WIPF1: variants seen among roughly 807,000 people sequenced by gnomAD.
The protein encoded by WIPF1 is WAS/WASL interacting protein family member 1.
WIPF1 carries 13 observed loss-of-function variants against 35.4 expected under a neutral mutation model. The ratio of observed to expected loss-of-function variants is 0.37; its 90% confidence interval spans 0.24 to 0.58. The LOEUF (loss-of-function observed/expected upper bound fraction) is 0.58, where lower values mean the gene tolerates loss of function less well. Ranked by LOEUF, WIPF1 falls within the 20% of genes least tolerant of loss-of-function variation. The probability of loss-of-function intolerance (pLI) is 0.74; values close to 1 mark genes in which losing one functional copy is unlikely to be tolerated. For synonymous variants in WIPF1, 267 were observed against 266.3 expected (o/e 1.00, Z -0.02); for missense variants, 591 against 667.0 (o/e 0.89, Z 1.25).
rs776631046 is a variant in WIPF1, at chr2:174,572,210, G to A, written c.595C>T (p.His199Tyr). ...STPRPIQSSP[H>Y]NRGSPPVPGG... is the part of the protein sequence containing the mutation. ...GGCACTGGTGGGGACCCCCGGTTGT[G>A]CGGACTTGATTGAATGGGTCTTGGA... The change falls in exon 5 of 8, where the codon CAC (histidine) becomes TAC (tyrosine). Residue 199 changes from histidine (H) to tyrosine (Y), a missense_variant. Transcript: ENST00000679041. 8 of 1,614,202 alleles carry A rather than the reference G, an allele frequency of 5.0e-6. No homozygotes were observed. The South Asian group carries it at 8.8e-5, about 18-fold the overall frequency.
At chr2:174,679,186 C>G (rs538833936) in intron 1 of WIPF1, among the ~76,000 whole-genome samples, 1 of 152,120 alleles carries the variant, frequency 6.6e-6, no homozygotes, top group South Asian at 2.1e-4. Flanking sequence ...ATTGAAGATA[C>G]AGGGCTGGGT....
chr2:174,628,696 G>A (rs1425829694), intron 1 of WIPF1, among the ~76,000 whole-genome samples: 1 of 152,224 alleles, frequency 6.6e-6, no homozygotes, highest in African/African-American at 2.4e-5. Flanking sequence ...AGTCCTTGGG[G>A]CCCTTCAACA....
chr2:174,613,640 T>C (rs1574836077), intron 1 of WIPF1, among the ~76,000 whole-genome samples: 1 of 152,208 alleles, frequency 6.6e-6, no homozygotes, highest in East Asian at 1.9e-4. Context: ...CATTAGCTAC[T>C]ATTACGATTA....
At chr2:174,631,227 T>G (rs1328403297) in intron 1 of WIPF1, among the ~76,000 whole-genome samples, 1 of 152,138 alleles carries the variant, frequency 6.6e-6, no homozygotes, top group Non-Finnish European at 1.5e-5. Context: ...AAATGTCCAC[T>G]GATGAATGAA....
chr2:174,614,692 T>A (rs1474456421), intron 1 of WIPF1, among the ~76,000 whole-genome samples: 1 of 152,214 alleles, frequency 6.6e-6, no homozygotes, highest in South Asian at 2.1e-4. Context: ...AAAACAAGTA[T>A]GAAGATCAAT....
In WIPF1 at chr2:174,576,243, A is replaced by AC. The variant is rs1472519844; in HGVS notation, c.182-864_182-863insG. ...ACTGCACTCCAGCAAAAAAAAAAAA[A>AC]AAAAAACACTAAGCAAATATCCACA... is the stretch of plus-strand genomic sequence containing the variant. On this transcript the variant is annotated intron_variant, in intron 3 of 7. Transcript: ENST00000679041. 1.2e-4 allele frequency among the ~76,000 whole-genome samples: 18 copies of AC among 150,468 alleles called. No individual in the cohort carries two copies. The East Asian group carries it at 3.1e-3, about 26-fold the overall frequency.
intron 1 of WIPF1, among the ~76,000 whole-genome samples, chr2:174,681,855 C>A (rs1275586656): frequency 6.6e-6 from 1 of 152,186 alleles, no homozygotes; most frequent in Admixed American, 6.5e-5. Flanking sequence ...GGGATTTAAG[C>A]AGGACCAGAA....
intron 1 of WIPF1, among the ~76,000 whole-genome samples, chr2:174,621,031 T>C (rs1190168450): frequency 1.3e-5 from 2 of 151,936 alleles, no homozygotes; most frequent in Non-Finnish European, 2.9e-5. Flanking sequence ...CGCCTGGAGG[T>C]GTTAGGACTC....
At chr2:174,598,100 A>G (rs1457238789), upstream of WIPF1, 1 of 152,174 alleles carries the variant, frequency 6.6e-6, no homozygotes, top group Non-Finnish European at 1.5e-5. Context: ...TGAAAGTATC[A>G]CTGTAAATAC....
At chr2:174,650,091 T>C (rs1016903312) in intron 1 of WIPF1, among the ~76,000 whole-genome samples, 1 of 152,194 alleles carries the variant, frequency 6.6e-6, no homozygotes, top group Non-Finnish European at 1.5e-5. Flanking sequence ...CTTAAGGCAG[T>C]GAGCACCTCA....
At chr2:174,668,342 C>A (rs754623643) in intron 1 of WIPF1, among the ~76,000 whole-genome samples, 1 of 152,134 alleles carries the variant, frequency 6.6e-6, no homozygotes, top group African/African-American at 2.4e-5. Context: ...CAAGGTTGGG[C>A]AAAATGATCT....
At chr2:174,572,789 G>T (rs1456133220) in intron 4 of WIPF1, among the ~76,000 whole-genome samples, 1 of 152,174 alleles carries the variant, frequency 6.6e-6, no homozygotes, top group Non-Finnish European at 1.5e-5. Context: ...GATGGCATTG[G>T]TAGAATCATG....
chr2:174,576,230 C>CAAAAAAAAAAAAAAAAAAAAAAAAAAA lies in WIPF1; in HGVS notation c.182-851_182-850insTTTTTTTTTTTTTTTTTTTTTTTTTTT, dbSNP rs66562213. Among the ~76,000 whole-genome samples, 21 of 98,924 alleles carry CAAAAAAAAAAAAAAAAAAAAAAAAAAA rather than the reference C, an allele frequency of 2.1e-4. 1 individual carries two copies. The highest frequency in any genetic ancestry group is 8.3e-4 in the African/African-American group (19 of 22,952). The allele number at this position is 98,924 out of a possible 152,430, so 64.9% of individuals were successfully genotyped here. On this transcript the variant is annotated intron_variant, in intron 3 of 7. Transcript: ENST00000679041. ...CTATGATTGCACCACTGCACTCCAG[C>CAAAAAAAAAAAAAAAAAAAAAAAAAAA]AAAAAAAAAAAAAAAAAAACACTAA... is the stretch of plus-strand genomic sequence containing the variant.
chr2:174,651,552 C>T (rs569906604), intron 1 of WIPF1, among the ~76,000 whole-genome samples: 34 of 152,090 alleles, frequency 2.2e-4, no homozygotes, highest in Middle Eastern at 3.2e-3. Flanking sequence ...AACTGGTTAG[C>T]GAACTCCCCA....
intron 7 of WIPF1, 43 bp downstream of exon 7, chr2:174,567,027 T>C: frequency 2.5e-6 from 4 of 1,586,272 alleles, no homozygotes; most frequent in Non-Finnish European, 3.5e-6. Flanking sequence ...TCACTCAGGC[T>C]ACTCAAGCGT....
chr2:174,657,982 T>C (rs1007038907), intron 1 of WIPF1, among the ~76,000 whole-genome samples: 9 of 151,146 alleles, frequency 6.0e-5, no homozygotes, highest in Non-Finnish European at 1.2e-4. Flanking sequence ...TAGATAAAAG[T>C]GCTCTTTGAC....
At chr2:174,576,466 T>G (rs1685067923) in intron 3 of WIPF1, among the ~76,000 whole-genome samples, 1 of 152,210 alleles carries the variant, frequency 6.6e-6, no homozygotes, top group African/African-American at 2.4e-5. Flanking sequence ...ACATTAAAAT[T>G]TATTTAACTA....
intron 1 of WIPF1, among the ~76,000 whole-genome samples, chr2:174,671,040 T>C (rs1008292300): frequency 6.6e-6 from 1 of 152,204 alleles, no homozygotes; most frequent in Middle Eastern, 3.2e-3. Flanking sequence ...TCTGAAGTGC[T>C]CCTTAAAAGG....
intron 1 of WIPF1, among the ~76,000 whole-genome samples, chr2:174,653,808 G>A (rs1335413673): frequency 6.6e-6 from 1 of 151,630 alleles, no homozygotes; most frequent in Admixed American, 6.6e-5. Flanking sequence ...AGTTTCTCTG[G>A]ATACCTGAAA....
Sources: allele counts gnomAD v4.1 joint callset (sites outside exome capture counted in the v4.1 genomes callset), GRCh38; gene constraint gnomAD v4.1.1; transcripts MANE v1.5; gene names NCBI Gene and HGNC (gene_info 2026-07-23, HGNC 2026-07-21).